ADGRF3: variants seen among roughly 807,000 people sequenced by gnomAD.
ADGRF3 encodes the protein G protein-coupled receptor 113.
A neutral mutation model predicts 93.2 loss-of-function variants in ADGRF3; 85 were observed. That is an observed-to-expected ratio of 0.91 (90% confidence interval 0.77 to 1.09). The LOEUF (loss-of-function observed/expected upper bound fraction) is 1.09. Ranked by LOEUF, ADGRF3 falls within the 50% of genes least tolerant of loss-of-function variation. The probability of loss-of-function intolerance (pLI) is 0.00; values close to 1 mark genes in which losing one functional copy is unlikely to be tolerated. For missense variants in ADGRF3, 1,125 were observed against 1,246.2 expected (o/e 0.90, Z 1.46); for synonymous variants, 534 against 532.5 (o/e 1.00, Z -0.04).
chr2:26,316,498 G>A, intron 3 of ADGRF3, 50 bp from the exon 4 acceptor site: 1 of 1,527,254 alleles, frequency 6.5e-7, no homozygotes, highest in Non-Finnish European at 8.8e-7. Context: ...GAAGAAGCTA[G>A]GTGGGCAGGG....
At chr2:26,327,454 G>C (rs930286554) in intron 1 of ADGRF3, among the ~76,000 whole-genome samples, 3 of 152,112 alleles carry the variant, frequency 2.0e-5, no homozygotes, top group African/African-American at 7.2e-5. Flanking sequence ...GCAGCTAAAA[G>C]AATGTATCAA....
intron 1 of ADGRF3, among the ~76,000 whole-genome samples, chr2:26,320,531 A>C (rs1284133909): frequency 6.6e-6 from 1 of 152,210 alleles, no homozygotes; most frequent in Admixed American, 6.5e-5. Context: ...TAGTTTGATA[A>C]ACATATACAA....
At chr2:26,320,892 G>A (rs1386114181) in intron 1 of ADGRF3, among the ~76,000 whole-genome samples, 1 of 152,120 alleles carries the variant, frequency 6.6e-6, no homozygotes, top group African/African-American at 2.4e-5. Flanking sequence ...ATGCTCCCAT[G>A]TATGTAAACA....
In ADGRF3 at chr2:26,334,167, G is replaced by C. The variant is rs184840223; in HGVS notation, c.114+11954C>G. On this transcript the variant is annotated intron_variant, in intron 1 of 13. Coordinates refer to ENST00000651242, the MANE Select transcript of ADGRF3 (RefSeq NM_001321971.2). ...ATAGGATTTTTAAAAATCACCTTTA[G>C]TAGTTAGCCAGGCTCAGCAGCACAC... Among the ~76,000 whole-genome samples, 27 of 151,744 alleles carry C rather than the reference G, an allele frequency of 1.8e-4. No homozygotes were observed. In the East Asian group the frequency reaches 5.0e-3, roughly 28 times the overall value.
At chr2:26,338,896 G>A (rs909604374) in intron 1 of ADGRF3, among the ~76,000 whole-genome samples, 1 of 152,004 alleles carries the variant, frequency 6.6e-6, no homozygotes, top group African/African-American at 2.4e-5. Context: ...CCAGCACTTT[G>A]GGAGGCTGGG....
chr2:26,316,811 G>A (rs2147883265), intron 3 of ADGRF3, 101 bp downstream of exon 3: 1 of 1,336,834 alleles, frequency 7.5e-7, no homozygotes, highest in East Asian at 2.4e-5. Flanking sequence ...CCTTCCTCCA[G>A]GAAATACAGA....
Position 26,312,047 on chromosome 2 carries a change from G to A in ADGRF3, c.1477C>T (p.Leu493=). The change falls in exon 10 of 14, where the codon CTA becomes TTA. Residue 493 remains leucine (L), a synonymous_variant. Coordinates refer to ENST00000651242, the MANE Select transcript of ADGRF3 (RefSeq NM_001321971.2). ...KNLLIATDKV[L]DMDTRSLWTL... is the part of the protein sequence containing the mutation. ...CACAGAGACCTGGTGTCCATATCTA[G>A]GACCTTGTCTGTGGCAATCAGGAGA... 6.2e-7 allele frequency: 1 copy of A among 1,610,522 alleles called. No individual in the cohort carries two copies. Among genetic ancestry groups the A allele is most frequent in the Non-Finnish European group, 8.5e-7 (1 of 1,178,874 alleles).
chr2:26,329,226 C>T (rs976631380), intron 1 of ADGRF3, among the ~76,000 whole-genome samples: 2 of 152,144 alleles, frequency 1.3e-5, no homozygotes, highest in Admixed American at 6.5e-5. Flanking sequence ...GCCTTGACCT[C>T]GTGGGCTCAA....
intron 1 of ADGRF3, among the ~76,000 whole-genome samples, chr2:26,331,522 C>T (rs1675768825): frequency 6.6e-6 from 1 of 152,182 alleles, no homozygotes; most frequent in African/African-American, 2.4e-5. Context: ...TCACTCCAGC[C>T]TGGGTGAAAG....
rs1192460819 is a variant in ADGRF3 at position 26,346,117 on chromosome 2, C to T, written c.114+4G>A. The T allele has an allele frequency of 6.3e-7, 1 of 1,581,030 alleles. No individual in the cohort carries two copies. The highest frequency in any genetic ancestry group is 8.6e-7 in the Non-Finnish European group (1 of 1,165,564). On this transcript the variant is annotated splice_donor_region_variant and intron_variant, in intron 1 of 13. Coordinates refer to ENST00000651242, the MANE Select transcript of ADGRF3 (RefSeq NM_001321971.2). ...GCGCGGTGGGCGGAGCGCGGCTCTC[C>T]TACCTTCTCGGGCAGCCCAGTCTTT...
At chr2:26,339,114 C>CAAAAAAA (rs61584458) in intron 1 of ADGRF3, among the ~76,000 whole-genome samples, 6 of 39,606 alleles carry the variant, frequency 1.5e-4, no homozygotes, top group Non-Finnish European at 2.5e-4. Flanking sequence ...GACTCCGTCA[C>CAAAAAAA]AAAAAAAAAA....
rs751767300 is a variant in ADGRF3 at position 26,313,129 on chromosome 2, C to T, written c.1270-7G>A. The T allele has an allele frequency of 1.9e-6, 3 of 1,613,426 alleles. No individual in the cohort carries two copies. Among genetic ancestry groups the T allele is most frequent in the Admixed American group, 3.3e-5 (2 of 60,018 alleles). On this transcript the variant is annotated splice_polypyrimidine_tract_variant and splice_region_variant and intron_variant, in intron 8 of 13. Transcript: ENST00000651242. The stretch of plus-strand genomic sequence containing the variant: ...CCTGGCCTGCCTGCAGCAGCTGAGA[C>T]AGACGAGACAGCATGAAGTGGGACA...
intron 1 of ADGRF3, among the ~76,000 whole-genome samples, chr2:26,344,327 T>G (rs1676570341): frequency 6.6e-6 from 1 of 152,052 alleles, no homozygotes; most frequent in African/African-American, 2.4e-5. Flanking sequence ...TATTTTTAGT[T>G]GAGACGAGGT....
At chr2:26,346,070 A>G (rs963666978) in intron 1 of ADGRF3, 51 bp downstream of exon 1, 3 of 1,515,432 alleles carry the variant, frequency 2.0e-6, no homozygotes, top group Non-Finnish European at 2.7e-6. Context: ...AGGCGGCCGA[A>G]GGGGCCGAGG....
rs766402419 is a variant in ADGRF3, at chr2:26,346,154, C to G, written c.81G>C (p.Trp27Cys). ...GCAGCCCAGTCTTTGCCATCCTTGCCCAGCCGGTGTGGTGCTTGTGTGTCA... is the reference window on the plus strand; with the variant it reads ...GCAGCCCAGTCTTTGCCATCCTTGCGCAGCCGGTGTGGTGCTTGTGTGTCA... ...KAVTHKHHTG[W>C]ARMAKTGLPE... Residue 27 changes from tryptophan to cysteine, a missense_variant, in exon 1 of 14, where the codon TGG becomes TGC. Coordinates refer to ENST00000651242, the MANE Select transcript of ADGRF3 (RefSeq NM_001321971.2). 2 of 1,608,684 alleles carry G rather than the reference C, an allele frequency of 1.2e-6. No individual in the cohort carries two copies. Among genetic ancestry groups the G allele is most frequent in the Non-Finnish European group, 8.5e-7 (1 of 1,177,708 alleles).
intron 1 of ADGRF3, among the ~76,000 whole-genome samples, chr2:26,335,037 T>G (rs535216030): frequency 6.6e-6 from 1 of 152,326 alleles, no homozygotes; most frequent in South Asian, 2.1e-4. Flanking sequence ...TAATAATCAA[T>G]TTCCCCTTTT....
chr2:26,318,469 A>G (rs1313710732), intron 1 of ADGRF3, among the ~76,000 whole-genome samples: 1 of 152,100 alleles, frequency 6.6e-6, no homozygotes, highest in Non-Finnish European at 1.5e-5. Context: ...ACAGATACAG[A>G]TATATATTTA....
intron 1 of ADGRF3, chr2:26,317,914 G>A (rs971471168): frequency 1.2e-5 from 12 of 961,170 alleles, no homozygotes; most frequent in African/African-American, 8.1e-5. Context: ...GGGCCCAGGC[G>A]CTTGGGGAGT....
At chr2:26,312,916 G>A (rs1459370990) in intron 9 of ADGRF3, 27 bp downstream of exon 9, 2 of 1,580,284 alleles carry the variant, frequency 1.3e-6, no homozygotes, top group South Asian at 2.3e-5. Flanking sequence ...TGCCCAGCTG[G>A]CCCCCACTGT....
Sources: allele counts gnomAD v4.1 joint callset (sites outside exome capture counted in the v4.1 genomes callset), GRCh38; gene constraint gnomAD v4.1.1; transcripts MANE v1.5; gene names NCBI Gene and HGNC (gene_info 2026-07-23, HGNC 2026-07-21).